The following FHIT variants were observed in gnomAD, a reference collection of about 807,000 sequenced individuals.
FHIT encodes the protein bis(5'-adenosyl)-triphosphatase.
A neutral mutation model predicts 17.9 loss-of-function variants in FHIT; 19 were observed. The ratio of observed to expected loss-of-function variants is 1.06; its 90% CI spans 0.74 to 1.56. The LOEUF (loss-of-function observed/expected upper bound fraction) is 1.56, where lower values mean the gene tolerates loss of function less well. FHIT is among the 40% of genes most tolerant of loss of function. The pLI, the probability that FHIT is intolerant of heterozygous loss-of-function variation, is 0.00. For missense variants in FHIT, 248 were observed against 189.2 expected (o/e 1.31, Z -1.82); for synonymous variants, 81 against 69.7 (o/e 1.16, Z -0.81).
intron 7 of FHIT, among the ~76,000 whole-genome samples, chr3:59,960,790 A>T (rs1211439056): frequency 6.6e-6 from 1 of 152,224 alleles, no homozygotes; most frequent in African/African-American, 2.4e-5. Flanking sequence ...TCTAATTTTT[A>T]AAAGTATTTT....
At chr3:61,103,471 C>T (rs1358234439) in intron 2 of FHIT, among the ~76,000 whole-genome samples, 1 of 152,142 alleles carries the variant, frequency 6.6e-6, no homozygotes, top group Non-Finnish European at 1.5e-5. Context: ...GCTTTACTTC[C>T]AACTTTGTGG....
At chr3:60,068,592 C>T (rs886807431) in intron 5 of FHIT, among the ~76,000 whole-genome samples, 1 of 152,146 alleles carries the variant, frequency 6.6e-6, no homozygotes, top group African/African-American at 2.4e-5. Flanking sequence ...CCATAGTGCT[C>T]CCTAGTACAA....
chr3:60,426,342 C>G (rs903117741), intron 5 of FHIT, among the ~76,000 whole-genome samples: 3 of 152,088 alleles, frequency 2.0e-5, no homozygotes, highest in Non-Finnish European at 2.9e-5. Flanking sequence ...CTAAAGTCTC[C>G]CAAAGTCCTA....
At chr3:61,073,745 A>G (rs2034883182) in intron 2 of FHIT, among the ~76,000 whole-genome samples, 1 of 152,122 alleles carries the variant, frequency 6.6e-6, no homozygotes, top group Admixed American at 6.6e-5. Context: ...CCCTATTCCT[A>G]TGTGTCATCT....
At chr3:60,293,499 G>A (rs185122433) in intron 5 of FHIT, among the ~76,000 whole-genome samples, 26 of 152,252 alleles carry the variant, frequency 1.7e-4, no homozygotes, top group Admixed American at 1.1e-3. Context: ...AGCAAACAAC[G>A]TTTTATTCAT....
chr3:60,873,534 T>C (rs1487984427), intron 3 of FHIT, among the ~76,000 whole-genome samples: 1 of 152,192 alleles, frequency 6.6e-6, no homozygotes, highest in African/African-American at 2.4e-5. Context: ...TTTACCATTC[T>C]CTCTGAATGA....
rs78251799 is a variant in FHIT at position 61,083,723 on chromosome 3, T to C, written c.-163-41624A>G. ...TATTGATTTGCCTTTTCTGGGTATTTCTTATCAATGGAATTATATGATATG... is the reference window on the plus strand; with the variant it reads ...TATTGATTTGCCTTTTCTGGGTATTCCTTATCAATGGAATTATATGATATG... On this transcript the variant is annotated intron_variant, in intron 2 of 9. Coordinates refer to ENST00000492590, the MANE Select transcript of FHIT (RefSeq NM_002012.4). Among the ~76,000 whole-genome samples, 113 of 152,356 alleles carry C rather than the reference T, an allele frequency of 7.4e-4. 1 individual carries two copies. The East Asian group carries it at 0.021, about 29-fold the overall frequency.
chr3:60,155,444 CCTGGA>C (rs1440103919), intron 5 of FHIT, among the ~76,000 whole-genome samples: 4 of 151,616 alleles, frequency 2.6e-5, no homozygotes, highest in Admixed American at 2.6e-4. Context: ...AGCGAAGCTG[CCTGGA>C]ACAGTCCATT....
intron 7 of FHIT, among the ~76,000 whole-genome samples, chr3:59,953,611 A>T (rs1274371256): frequency 1.3e-5 from 2 of 152,276 alleles, no homozygotes; most frequent in Admixed American, 1.3e-4. Context: ...ATACAATGAA[A>T]GAGTATTGAG....
At chr3:61,221,911 C>A (rs547336285) in intron 1 of FHIT, among the ~76,000 whole-genome samples, 2 of 152,340 alleles carry the variant, frequency 1.3e-5, no homozygotes, top group South Asian at 4.1e-4. Flanking sequence ...TCCACCTCCA[C>A]CACGTGGCCT....
Position 60,099,564 on chromosome 3 carries a change from T to C in FHIT, c.104-85412A>G, listed in dbSNP as rs779610364. ...ACACTGTGACCCTGGCATTTTATAA[T>C]GTAACTGTTTCTCCCCAGATCCCTT... On this transcript the variant is annotated intron_variant, in intron 5 of 9. Coordinates refer to ENST00000492590, the MANE Select transcript of FHIT (RefSeq NM_002012.4). 6.6e-5 allele frequency among the ~76,000 whole-genome samples: 10 copies of C among 152,252 alleles called. No homozygotes were observed. In the East Asian group the frequency reaches 7.7e-4, roughly 12 times the overall value.
At chr3:60,279,667 A>C (rs1349574702) in intron 5 of FHIT, among the ~76,000 whole-genome samples, 7 of 152,186 alleles carry the variant, frequency 4.6e-5, no homozygotes, top group Non-Finnish European at 1.0e-4. Flanking sequence ...AAAAAGCGTC[A>C]ACAAAATCTT....
intron 7 of FHIT, among the ~76,000 whole-genome samples, chr3:59,950,621 T>A (rs1038533088): frequency 6.6e-6 from 1 of 152,146 alleles, no homozygotes; most frequent in African/African-American, 2.4e-5. Flanking sequence ...CCTACTACTC[T>A]CCACCAGAAT....
intron 3 of FHIT, among the ~76,000 whole-genome samples, chr3:60,976,336 AC>A (rs1710251685): frequency 6.6e-6 from 1 of 151,550 alleles, no homozygotes; most frequent in Admixed American, 6.6e-5. Context: ...TGCACTCCTG[AC>A]CTCAGGTGAT....
intron 8 of FHIT, among the ~76,000 whole-genome samples, chr3:59,920,469 G>C (rs1448426903): frequency 6.6e-6 from 1 of 152,200 alleles, no homozygotes. Flanking sequence ...CAAGGGCAAA[G>C]GAATAAGACA....
intron 5 of FHIT, among the ~76,000 whole-genome samples, chr3:60,455,545 T>C (rs906555563): frequency 6.6e-6 from 1 of 152,164 alleles, no homozygotes; most frequent in African/African-American, 2.4e-5. Context: ...GATAGGCACA[T>C]AGTGGGTTGC....
intron 5 of FHIT, among the ~76,000 whole-genome samples, chr3:60,064,558 A>G (rs1456953346): frequency 1.3e-5 from 2 of 152,198 alleles, no homozygotes; most frequent in Non-Finnish European, 1.5e-5. Flanking sequence ...GACAGACAGA[A>G]CCTACCTACC....
chr3:60,663,350 G>T (rs1458380757), intron 4 of FHIT, among the ~76,000 whole-genome samples: 6 of 151,302 alleles, frequency 4.0e-5, no homozygotes, highest in Non-Finnish European at 8.8e-5. Context: ...AGCCTTCCAA[G>T]TCTCTACTCA....
intron 5 of FHIT, among the ~76,000 whole-genome samples, chr3:60,036,417 T>C (rs1701220195): frequency 6.6e-6 from 1 of 152,216 alleles, no homozygotes; most frequent in Admixed American, 6.5e-5. Context: ...TTTCCCATAA[T>C]GCCTTGCTAG....
Sources: allele counts gnomAD v4.1 joint callset (sites outside exome capture counted in the v4.1 genomes callset), GRCh38; gene constraint gnomAD v4.1.1; transcripts MANE v1.5; gene names NCBI Gene and HGNC (gene_info 2026-07-23, HGNC 2026-07-21).